The following ZNF567 variants were observed in gnomAD, a reference collection of about 807,000 sequenced individuals.
The protein encoded by ZNF567 is zinc finger protein 567.
A neutral mutation model predicts 53.9 loss-of-function variants in ZNF567; 36 were observed. That is an observed-to-expected ratio of 0.67 (90% CI 0.51 to 0.88). The LOEUF is 0.88. Ranked by LOEUF, ZNF567 falls within the 40% of genes least tolerant of loss-of-function variation. The pLI is 0.00. For synonymous variants in ZNF567, 224 were observed against 260.4 expected (o/e 0.86, Z 1.35); for missense variants, 619 against 764.7 (o/e 0.81, Z 2.25).
the ZNF567 span, among the ~76,000 whole-genome samples, chr19:36,679,196 G>A: frequency 1.3e-5 from 2 of 152,260 alleles, no homozygotes; most frequent in South Asian, 4.1e-4. Flanking sequence ...TGAGGCAGGA[G>A]AATCGCTTGA....
the ZNF567 span, among the ~76,000 whole-genome samples, chr19:36,676,097 C>T: frequency 8.1e-5 from 7 of 86,164 alleles, no homozygotes; most frequent in Admixed American, 1.7e-4. Flanking sequence ...GACAGAGTCT[C>T]ACTCTGTTGC....
upstream of ZNF567, chr19:36,686,465 C>G (rs2038274378): frequency 6.6e-6 from 1 of 152,148 alleles, no homozygotes; most frequent in Non-Finnish European, 1.5e-5. Context: ...ACTGCTAACC[C>G]TTCTTAGTAT....
At chr19:36,669,097 A>C in the ZNF567 span, 2 of 152,194 alleles carry the variant, frequency 1.3e-5, no homozygotes, top group Non-Finnish European at 2.9e-5. Context: ...GAGAGGGTTT[A>C]AAGAATATGG....
chr19:36,712,671 A>G lies in ZNF567; in HGVS notation c.137-110A>G, dbSNP rs546001985. 1.9e-4 allele frequency: 262 copies of G among 1,373,078 alleles called. 3 individuals carry two copies. The South Asian group carries it at 3.0e-3, about 16-fold the overall frequency. 85.1% of individuals were successfully genotyped at this position (1,373,078 alleles called of 1,614,324 possible). A position where few individuals can be genotyped will look rare whatever the true frequency, so the allele number is the denominator to read the frequency against. ...ACTTACCCAGTGCAAGGTGCTACCT[A>G]TATTGTTACACAAATGGGTGTCTTA... On this transcript the variant is annotated intron_variant, in intron 4 of 5. Transcript: ENST00000682579.
chr19:36,712,538 T>C lies in ZNF567; in HGVS notation c.136+26T>C, dbSNP rs377303812. 9.9e-6 allele frequency: 16 copies of C among 1,613,768 alleles called. No homozygotes were observed. The African/African-American group carries it at 1.5e-4, about 15-fold the overall frequency. On this transcript the variant is annotated intron_variant, in intron 4 of 5. Transcript: ENST00000682579. ...GTAAGAAAAATCCTCTTTGAAACTT[T>C]AGTAGCATGCACTTCCTCTCAAAGT...
the ZNF567 span, among the ~76,000 whole-genome samples, chr19:36,678,863 A>AG: frequency 6.8e-6 from 1 of 147,236 alleles, no homozygotes; most frequent in Non-Finnish European, 1.5e-5. Context: ...AAAAAAAAAA[A>AG]GAATACAAAT....
the ZNF567 span, among the ~76,000 whole-genome samples, chr19:36,669,592 G>T: frequency 6.6e-6 from 1 of 152,154 alleles, no homozygotes. Context: ...GAAAAAAGCA[G>T]TCCGATGTAA....
chr19:36,701,390 G>T (rs2039177116), intron 3 of ZNF567, among the ~76,000 whole-genome samples: 1 of 149,762 alleles, frequency 6.7e-6, no homozygotes. Context: ...TGAAAAAAAT[G>T]TATATTCTGT....
At chr19:36,685,530 G>A (rs953364123), upstream of ZNF567, 4 of 152,120 alleles carry the variant, frequency 2.6e-5, no homozygotes, top group African/African-American at 9.7e-5. Flanking sequence ...CAAGGAAAAG[G>A]AATTGCAAAG....
chr19:36,711,164 C>T (rs3108574), intron 3 of ZNF567: 93,107 of 151,952 alleles, frequency 0.61, 28,659 homozygotes, highest in East Asian at 0.8. Flanking sequence ...CTCCATCTCC[C>T]GGGTTCAAGC....
At chr19:36,670,653 C>G in the ZNF567 span, among the ~76,000 whole-genome samples, 5 of 152,152 alleles carry the variant, frequency 3.3e-5, no homozygotes, top group Admixed American at 6.5e-5. Flanking sequence ...GCTTTTTTCT[C>G]CATCCTTGTT....
chr19:36,698,092 A>T (rs1257068154), intron 3 of ZNF567, among the ~76,000 whole-genome samples: 2 of 151,790 alleles, frequency 1.3e-5, no homozygotes, highest in African/African-American at 2.4e-5. Flanking sequence ...ACCCGACAAC[A>T]GTCCCCAGAG....
chr19:36,723,485 T>C (rs2040320783), downstream of ZNF567: 3 of 467,880 alleles, frequency 6.4e-6, no homozygotes, highest in Admixed American at 1.1e-4. Context: ...AGCTCTTGAA[T>C]ATGAAGAACT....
At chr19:36,684,704 C>T (rs556075355), upstream of ZNF567, among the ~76,000 whole-genome samples, 9 of 152,202 alleles carry the variant, frequency 5.9e-5, no homozygotes, top group African/African-American at 1.7e-4. Context: ...TAATAATAAA[C>T]CCTTCACATA....
chr19:36,703,367 G>A (rs898627239), intron 3 of ZNF567, among the ~76,000 whole-genome samples: 9 of 151,882 alleles, frequency 5.9e-5, no homozygotes, highest in African/African-American at 1.5e-4. Context: ...TAGGCTGCTC[G>A]GGGGTCAGGG....
At chr19:36,704,241 C>G (rs2039373257) in intron 3 of ZNF567, among the ~76,000 whole-genome samples, 1 of 152,080 alleles carries the variant, frequency 6.6e-6, no homozygotes, top group Non-Finnish European at 1.5e-5. Flanking sequence ...GAGTTCAAGA[C>G]TGGCCTGGGC....
chr19:36,690,509 G>C (rs1252865798), intron 2 of ZNF567, among the ~76,000 whole-genome samples: 1 of 152,082 alleles, frequency 6.6e-6, no homozygotes, highest in African/African-American at 2.4e-5. Flanking sequence ...AGGATCACCT[G>C]AGCCCAGGGA....
chr19:36,720,520 G>C lies in ZNF567; in HGVS notation c.1796G>C (p.Arg599Pro). 1 of 1,614,026 alleles carries C rather than the reference G, an allele frequency of 6.2e-7. No homozygotes were observed. Among genetic ancestry groups the C allele is most frequent in the Admixed American group, 1.7e-5 (1 of 60,004 alleles). ...TGTAGTGAATGTGGAAAGTGCTTCC[G>C]CCAGAAGACAAATCTTATTGTACAT... The part of the protein sequence containing the change: ...YKCSECGKCF[R>P]QKTNLIVHQR... The change falls in exon 6 of 6, where the codon CGC becomes CCC. Residue 599 changes from arginine to proline, a missense_variant. Physicochemically the swap from Arg to Pro is moderately radical, Grantham distance 103. Coordinates refer to ENST00000682579, the MANE Select transcript of ZNF567 (RefSeq NM_001322917.1).
rs770498760 is a variant in ZNF567 at position 36,720,201 on chromosome 19, A to G, written c.1477A>G (p.Ile493Val). The change falls in exon 6 of 6, where the codon ATT (isoleucine) becomes GTT (valine). Residue 493 changes from isoleucine to valine, a missense_variant. Physicochemically the swap from Ile to Val is conservative, Grantham distance 29. Transcript: ENST00000682579. ...GGCCTTTAGAATGAAGTCATACCTC[A>G]TTGATCATCACCGAACTCACACAGG... ...GKAFRMKSYL[I>V]DHHRTHTGEK... 1.2e-6 allele frequency: 2 copies of G among 1,614,170 alleles called. No homozygotes were observed. The highest frequency in any genetic ancestry group is 1.7e-6 in the Non-Finnish European group (2 of 1,180,024).
Sources: gnomAD v4.1 joint callset for allele counts (sites outside exome capture counted in the v4.1 genomes callset) on GRCh38, gnomAD v4.1.1 for gene constraint, MANE v1.5 for transcripts, NCBI Gene and HGNC (gene_info 2026-07-23, HGNC 2026-07-21) for gene names.